Variants in ZC3H12B observed in about 807,000 individuals in gnomAD.
ZC3H12B encodes zinc finger CCCH-type containing 12B.
A neutral mutation model predicts 43.9 loss-of-function variants in ZC3H12B; 7 were observed. That is an observed-to-expected ratio of 0.16 (90% CI 0.09 to 0.30). The LOEUF (loss-of-function observed/expected upper bound fraction) is 0.30, where lower values mean the gene tolerates loss of function less well. Among genes scored for constraint, ZC3H12B ranks in the 10% least tolerant of loss-of-function variants. The pLI, the probability that ZC3H12B is intolerant of heterozygous loss-of-function variation, is 1.00. For missense variants in ZC3H12B, 475 were observed against 670.2 expected (o/e 0.71, Z 3.22); for synonymous variants, 222 against 241.7 (o/e 0.92, Z 0.76).
chrX:65,364,179 C>T (rs999592868), upstream of ZC3H12B, among the ~76,000 whole-genome samples: 1 of 110,679 alleles, frequency 9.0e-6, no homozygotes, highest in Non-Finnish European at 1.9e-5. Context: ...TTGAGGCTAC[C>T]GCTCTGCCCC....
the ZC3H12B span, among the ~76,000 whole-genome samples, chrX:65,082,715 A>G: frequency 9.0e-6 from 1 of 111,348 alleles, no homozygotes; most frequent in Non-Finnish European, 1.9e-5. Context: ...TACTCAAACT[A>G]TTCCAAAAAT....
the ZC3H12B span, among the ~76,000 whole-genome samples, chrX:65,251,794 A>G: frequency 4.5e-5 from 5 of 111,579 alleles, no homozygotes; most frequent in African/African-American, 6.6e-5. Flanking sequence ...TTGTATCCTG[A>G]GACTTTGCTG....
At chrX:65,488,785 A>G in exon 1 of ZC3H12B, 1 of 1,155,166 alleles carries the variant, frequency 8.7e-7, no homozygotes, top group Non-Finnish European at 1.1e-6. Context: ...TAGACCTCAG[A>G]CGACCCACTA....
chrX:65,224,506 G>C, the ZC3H12B span, among the ~76,000 whole-genome samples: 886 of 112,671 alleles, frequency 7.9e-3, 34 homozygotes, highest in Admixed American at 0.073. Context: ...TCACTAGGGA[G>C]TGCCAGACAG....
At chrX:65,111,363 AT>A in the ZC3H12B span, among the ~76,000 whole-genome samples, 1 of 110,851 alleles carries the variant, frequency 9.0e-6, no homozygotes, top group Non-Finnish European at 1.9e-5. Context: ...AGCTGTAGGC[AT>A]TTTGTAGATG....
At chrX:65,185,836 C>T in the ZC3H12B span, 1 of 111,400 alleles carries the variant, frequency 9.0e-6, no homozygotes, top group Non-Finnish European at 1.9e-5. Flanking sequence ...ATAACCAAAT[C>T]TTGAAAGATT....
chrX:65,055,118 C>G, the ZC3H12B span, among the ~76,000 whole-genome samples: 1 of 111,211 alleles, frequency 9.0e-6, no homozygotes, highest in Admixed American at 9.6e-5. Flanking sequence ...ACTTCCAACA[C>G]TATGTTGAAT....
the ZC3H12B span, among the ~76,000 whole-genome samples, chrX:65,142,723 G>A: frequency 1.8e-5 from 2 of 112,482 alleles, no homozygotes. Flanking sequence ...CATGTGGTTA[G>A]CCAATTATCC....
chrX:65,323,291 T>A, the ZC3H12B span, among the ~76,000 whole-genome samples: 417 of 111,577 alleles, frequency 3.7e-3, no homozygotes, highest in Non-Finnish European at 5.5e-3. Context: ...TCATATACAG[T>A]TATTATTGTG....
At chrX:65,126,105 G>C in the ZC3H12B span, among the ~76,000 whole-genome samples, 4 of 107,866 alleles carry the variant, frequency 3.7e-5, no homozygotes, top group Admixed American at 3.0e-4. Context: ...TATATTTTGA[G>C]TGTATTTGGT....
the ZC3H12B span, among the ~76,000 whole-genome samples, chrX:65,249,096 C>A: frequency 9.0e-6 from 1 of 111,611 alleles, no homozygotes; most frequent in Non-Finnish European, 1.9e-5. Flanking sequence ...TAAGTCCTAG[C>A]AATTCATCTT....
the ZC3H12B span, among the ~76,000 whole-genome samples, chrX:65,207,469 T>A: frequency 3.6e-5 from 4 of 110,494 alleles, no homozygotes; most frequent in Non-Finnish European, 5.7e-5. Context: ...GACAATGCAC[T>A]TAAAGGGCTG....
At chrX:65,309,361 T>A in the ZC3H12B span, among the ~76,000 whole-genome samples, 1 of 111,865 alleles carries the variant, frequency 8.9e-6, no homozygotes, top group African/African-American at 3.2e-5. Flanking sequence ...GAGAATATTA[T>A]AAACACATCT....
the ZC3H12B span, among the ~76,000 whole-genome samples, chrX:65,187,699 A>G: frequency 1.3e-4 from 14 of 107,358 alleles, no homozygotes; most frequent in African/African-American, 4.8e-4. Flanking sequence ...GTAGGTATAC[A>G]TATATGGAGC....
At chrX:65,097,266 T>A in the ZC3H12B span, among the ~76,000 whole-genome samples, 1 of 111,972 alleles carries the variant, frequency 8.9e-6, no homozygotes, top group Non-Finnish European at 1.9e-5. Context: ...GTGTGTTAGC[T>A]CTTTCAGTCT....
At chrX:65,050,417 A>G in the ZC3H12B span, among the ~76,000 whole-genome samples, 1 of 110,032 alleles carries the variant, frequency 9.1e-6, no homozygotes, top group African/African-American at 3.3e-5. Context: ...ATTGCTCTGG[A>G]GAGGATTTCC....
At chrX:65,506,998 A>C (rs1001705558) in exon 5 of ZC3H12B, 3 of 111,199 alleles carry the variant, frequency 2.7e-5, no homozygotes, top group Non-Finnish European at 5.7e-5. Flanking sequence ...TTCCAGGAGA[A>C]TACTTCTCTA....
chrX:65,225,781 G>A, the ZC3H12B span, among the ~76,000 whole-genome samples: 3 of 112,024 alleles, frequency 2.7e-5, no homozygotes, highest in African/African-American at 9.7e-5. Flanking sequence ...ATCAGTCATG[G>A]AAGATGAAAT....
chrX:65,492,007 A>G (rs960706639), intron 1 of ZC3H12B, among the ~76,000 whole-genome samples: 2 of 110,969 alleles, frequency 1.8e-5, no homozygotes, highest in Non-Finnish European at 3.8e-5. Flanking sequence ...CCTAACAGGC[A>G]TAAGAAAGAG....
Sources: allele counts gnomAD v4.1 joint callset (sites outside exome capture counted in the v4.1 genomes callset), GRCh38; gene constraint gnomAD v4.1.1; transcripts MANE v1.5; gene names NCBI Gene and HGNC (gene_info 2026-07-23, HGNC 2026-07-21).